DENND4A: variants seen among roughly 807,000 people sequenced by gnomAD.
The protein encoded by DENND4A is C-myc promoter-binding protein.
DENND4A carries 70 observed loss-of-function variants against 199.3 expected under a neutral mutation model. The ratio of observed to expected loss-of-function variants is 0.35; its 90% confidence interval spans 0.29 to 0.43. DENND4A has a LOEUF of 0.43. Ranked by LOEUF, DENND4A falls within the 20% of genes least tolerant of loss-of-function variation. The pLI is 1.00. For synonymous variants in DENND4A, 686 were observed against 766.9 expected, an observed-to-expected ratio of 0.89 and a Z score of 1.74; for missense variants, 1,723 against 2,255.8, an observed-to-expected ratio of 0.76 and a Z score of 4.78.
At chr15:65,739,399 TA>T (rs1163050899) in intron 5 of DENND4A, among the ~76,000 whole-genome samples, 5 of 152,224 alleles carry the variant, frequency 3.3e-5, no homozygotes, top group Admixed American at 2.6e-4. Flanking sequence ...GCTCAGCTTC[TA>T]AATAACACCA....
At chr15:65,673,796 T>C (rs556271319) in intron 24 of DENND4A, among the ~76,000 whole-genome samples, 2 of 152,306 alleles carry the variant, frequency 1.3e-5, no homozygotes, top group African/African-American at 4.8e-5. Context: ...AAAAACCTTC[T>C]GTAATCCCTC....
chr15:65,697,142 T>C (rs1472323477), intron 21 of DENND4A, 125 bp downstream of exon 21: 2 of 617,422 alleles, frequency 3.2e-6, no homozygotes, highest in Non-Finnish European at 5.5e-6. Context: ...GGGCACGTAA[T>C]GGTAGAAAAG....
intron 1 of DENND4A, among the ~76,000 whole-genome samples, chr15:65,778,751 G>C (rs1276033980): frequency 6.6e-6 from 1 of 151,918 alleles, no homozygotes; most frequent in African/African-American, 2.4e-5. Context: ...AAAATTATCT[G>C]GGCATGGTGG....
chr15:65,714,997 C>T (rs901366672), intron 14 of DENND4A: 3 of 154,436 alleles, frequency 1.9e-5, no homozygotes, highest in Non-Finnish European at 4.3e-5. Context: ...GATATTAGGA[C>T]TGAAGGGAAA....
chr15:65,721,145 G>A (rs1272581996), intron 12 of DENND4A, among the ~76,000 whole-genome samples: 1 of 151,162 alleles, frequency 6.6e-6, no homozygotes, highest in African/African-American at 2.4e-5. Flanking sequence ...TGCTACAATA[G>A]CTGTTGGGCT....
At chr15:65,691,930 C>T (rs1211862877) in intron 22 of DENND4A, among the ~76,000 whole-genome samples, 1 of 148,648 alleles carries the variant, frequency 6.7e-6, no homozygotes, top group Non-Finnish European at 1.5e-5. Flanking sequence ...TGTGGTTATA[C>T]TAGATGACCT....
intron 16 of DENND4A, 128 bp from the exon 17 acceptor site, chr15:65,702,639 T>C: frequency 2.1e-6 from 2 of 941,454 alleles, no homozygotes; most frequent in Non-Finnish European, 3.1e-6. Flanking sequence ...CTGTAATTAA[T>C]GCGTTTTCAA....
At chr15:65,777,421 C>T (rs1298612254) in intron 1 of DENND4A, among the ~76,000 whole-genome samples, 1 of 151,744 alleles carries the variant, frequency 6.6e-6, no homozygotes, top group Non-Finnish European at 1.5e-5. Context: ...GCCACGATCT[C>T]AGCTCACTGC....
At chr15:65,787,318 G>A (rs1247765580) in intron 1 of DENND4A, among the ~76,000 whole-genome samples, 1 of 152,124 alleles carries the variant, frequency 6.6e-6, no homozygotes, top group Non-Finnish European at 1.5e-5. Context: ...GATCAAGAGA[G>A]ACAGGTTTTA....
chr15:65,702,177 T>C (rs765872604), intron 17 of DENND4A, 128 bp downstream of exon 17: 100 of 816,122 alleles, frequency 1.2e-4, no homozygotes, highest in South Asian at 4.0e-4. Context: ...AATGGGAGGA[T>C]TGCATCTCTT....
At chr15:65,674,668 T>C (rs950692050) in intron 24 of DENND4A, among the ~76,000 whole-genome samples, 7 of 150,846 alleles carry the variant, frequency 4.6e-5, no homozygotes, top group Non-Finnish European at 1.5e-5. Flanking sequence ...TGGGAGATCA[T>C]GGTTGCAGTG....
chr15:65,729,717 G>T lies in DENND4A; in HGVS notation c.1167-39C>A, dbSNP rs771635644. The T allele has an allele frequency of 1.4e-4, 207 of 1,523,702 alleles. 4 individuals carry two copies. In the East Asian group the frequency reaches 1.6e-3, roughly 12 times the overall value. The allele number at this position is 1,523,702 out of a possible 1,614,324, so 94.4% of individuals were successfully genotyped here. A position where few individuals can be genotyped will look rare whatever the true frequency, so the allele number is the denominator to read the frequency against. On this transcript the variant is annotated intron_variant, in intron 9 of 32. Transcript: ENST00000443035. ...CAAAAATATATAATTAAAAAATAAT[G>T]ATCCAAACACCTCATTATCTAAAAC...
intron 4 of DENND4A, among the ~76,000 whole-genome samples, chr15:65,747,104 T>TA (rs11396585): frequency 0.21 from 29,948 of 142,112 alleles, 3,934 homozygotes; most frequent in East Asian, 0.73. Context: ...AGACTCTGTT[T>TA]AAAAAAAAAA....
intron 7 of DENND4A, among the ~76,000 whole-genome samples, chr15:65,735,915 A>T: frequency 6.6e-6 from 1 of 152,144 alleles, no homozygotes; most frequent in Admixed American, 6.5e-5. Flanking sequence ...AACATGGCAA[A>T]ACCCAATCTC....
intron 4 of DENND4A, among the ~76,000 whole-genome samples, chr15:65,744,044 G>A (rs901483028): frequency 6.6e-6 from 1 of 152,076 alleles, no homozygotes; most frequent in African/African-American, 2.4e-5. Flanking sequence ...AAGGAAGAAA[G>A]CAAGTACTCA....
chr15:65,708,109 G>GC (rs924618563), intron 14 of DENND4A, among the ~76,000 whole-genome samples: 57 of 151,978 alleles, frequency 3.8e-4, no homozygotes, highest in African/African-American at 1.4e-3. Flanking sequence ...TGATCCTCCT[G>GC]CCTTAGTCTC....
At chr15:65,741,634 T>C in intron 5 of DENND4A, 81 bp downstream of exon 5, 1 of 1,113,956 alleles carries the variant, frequency 9.0e-7, no homozygotes, top group East Asian at 2.4e-5. Flanking sequence ...TAACACAGAC[T>C]AGGCAGGTTT....
Position 65,729,106 on chromosome 15 carries a change from T to C in DENND4A, c.1453A>G (p.Ser485Gly). 1 of 1,592,508 alleles carries C rather than the reference T, an allele frequency of 6.3e-7. No homozygotes were observed. The highest frequency in any genetic ancestry group is 8.6e-7 in the Non-Finnish European group (1 of 1,168,172). ...GTGTTGGTATCTACATCAACACAAC[T>C]GACATCTGGTGGAGGATCATAGAGA... The part of the protein sequence containing the change: ...FDLYDPPPDV[S>G]CVDVDTNTIS... Residue 485 changes from serine to glycine, a missense_variant, in exon 11 of 33, where the codon AGT (serine) becomes GGT (glycine). Physicochemically the swap from Ser to Gly is moderately conservative, Grantham distance 56. Around this residue, in one of 6 missense-constraint regions of DENND4A, gnomAD observed 725 missense variants for 952.9 expected, o/e 0.76. Transcript: ENST00000443035.
intron 1 of DENND4A, among the ~76,000 whole-genome samples, chr15:65,770,972 G>A (rs958825423): frequency 6.6e-6 from 1 of 152,118 alleles, no homozygotes; most frequent in African/African-American, 2.4e-5. Context: ...AATTGTAGAA[G>A]CGTAACTAAA....
Sources: allele counts gnomAD v4.1 joint callset (sites outside exome capture counted in the v4.1 genomes callset), GRCh38; gene constraint gnomAD v4.1.1; regional missense constraint gnomAD v4.1.1; transcripts MANE v1.5; gene names NCBI Gene and HGNC (gene_info 2026-07-23, HGNC 2026-07-21).